Variants in ADGRL2 observed in about 807,000 individuals in gnomAD.
The protein encoded by ADGRL2 is calcium-independent alpha-latrotoxin receptor 2.
In ADGRL2, 44 loss-of-function variants were observed where a neutral mutation model predicts 157.4. The observed-to-expected ratio is 0.28, with a 90% CI of 0.22 to 0.36. The LOEUF (loss-of-function observed/expected upper bound fraction) is 0.36, where lower values mean the gene tolerates loss of function less well. Ranked by LOEUF, ADGRL2 falls within the 10% of genes least tolerant of loss-of-function variation. The pLI, the probability that ADGRL2 is intolerant of heterozygous loss-of-function variation, is 1.00. For synonymous variants in ADGRL2, 585 were observed against 624.7 expected (o/e 0.94, Z 0.95); for missense variants, 1,510 against 1,768.9 (o/e 0.85, Z 2.63).
At chr1:81,411,405 T>C (rs1256026587) in intron 1 of ADGRL2, among the ~76,000 whole-genome samples, 2 of 152,200 alleles carry the variant, frequency 1.3e-5, no homozygotes, top group African/African-American at 4.8e-5. Flanking sequence ...CATCATCCCA[T>C]TTAATCCTTC....
intron 2 of ADGRL2, among the ~76,000 whole-genome samples, chr1:81,499,726 C>G (rs988341812): frequency 1.3e-5 from 2 of 152,162 alleles, no homozygotes; most frequent in Non-Finnish European, 2.9e-5. Context: ...AAGCTTACCA[C>G]TGCTATAAAT....
At chr1:81,622,954 T>G (rs2148717665) in intron 3 of ADGRL2, among the ~76,000 whole-genome samples, 2 of 152,308 alleles carry the variant, frequency 1.3e-5, no homozygotes, top group East Asian at 3.9e-4. Context: ...GTCCAACATA[T>G]TGGGCATTTG....
In ADGRL2 at chr1:81,986,547, G is replaced by A. The variant is rs554927158; in HGVS notation, c.3509-354G>A. Among the ~76,000 whole-genome samples, 61 of 152,104 alleles carry A rather than the reference G, an allele frequency of 4.0e-4. No individual in the cohort carries two copies. The South Asian group carries it at 0.011, about 27-fold the overall frequency. On this transcript the variant is annotated intron_variant, in intron 21 of 23. Transcript: ENST00000686636. The stretch of plus-strand genomic sequence containing the variant: ...CCCTCTTCTGGGCCTCAGTGGTTAC[G>A]TTTTTAATATTAAGCAGTAACATCT...
chr1:81,338,033 T>G (rs929495572), intron 1 of ADGRL2, among the ~76,000 whole-genome samples: 3 of 152,192 alleles, frequency 2.0e-5, no homozygotes, highest in Non-Finnish European at 4.4e-5. Context: ...TTTTAGAAAT[T>G]GTCTAAGCTA....
intron 2 of ADGRL2, among the ~76,000 whole-genome samples, chr1:81,489,028 A>G (rs1008647458): frequency 6.6e-6 from 1 of 152,158 alleles, no homozygotes; most frequent in Non-Finnish European, 1.5e-5. Flanking sequence ...ACCTGAGGTC[A>G]GCAGTTTGAG....
intron 1 of ADGRL2, among the ~76,000 whole-genome samples, chr1:81,829,675 G>A (rs535011538): frequency 1.3e-5 from 2 of 152,258 alleles, no homozygotes; most frequent in East Asian, 3.9e-4. Flanking sequence ...TAGAATAATT[G>A]CCGAGACATA....
intron 2 of ADGRL2, among the ~76,000 whole-genome samples, chr1:81,458,655 G>T (rs1469113867): frequency 6.6e-6 from 1 of 152,228 alleles, no homozygotes. Context: ...AACAGGGCAT[G>T]CCACAAAGTG....
chr1:81,793,062 C>A (rs938317677), intron 2 of ADGRL2, among the ~76,000 whole-genome samples: 3 of 151,964 alleles, frequency 2.0e-5, no homozygotes, highest in Admixed American at 6.6e-5. Context: ...TATAACAAGA[C>A]CTTACGACCC....
intron 3 of ADGRL2, among the ~76,000 whole-genome samples, chr1:81,921,269 G>C (rs1157726730): frequency 6.6e-6 from 1 of 152,082 alleles, no homozygotes; most frequent in African/African-American, 2.4e-5. Flanking sequence ...ACTACTTTAA[G>C]TATTATAATA....
At chr1:81,754,527 TTCTC>T (rs1467676143) in intron 1 of ADGRL2, among the ~76,000 whole-genome samples, 1 of 134,056 alleles carries the variant, frequency 7.5e-6, no homozygotes, top group Admixed American at 7.6e-5. Context: ...CCCTCCCTCT[TTCTC>T]TTTCTTTCTT....
At chr1:81,578,115 A>G (rs1557477368) in intron 2 of ADGRL2, among the ~76,000 whole-genome samples, 1 of 152,192 alleles carries the variant, frequency 6.6e-6, no homozygotes, top group Non-Finnish European at 1.5e-5. Flanking sequence ...TGACTTAGAA[A>G]ACAACAAGTT....
chr1:81,877,873 C>G (rs1259768272), intron 2 of ADGRL2, among the ~76,000 whole-genome samples: 5 of 151,948 alleles, frequency 3.3e-5, no homozygotes, highest in Admixed American at 6.6e-5. Flanking sequence ...AAAATGTTTA[C>G]CAGGTGTTAA....
At chr1:81,763,716 C>G (rs2085988658) in intron 2 of ADGRL2, among the ~76,000 whole-genome samples, 1 of 150,558 alleles carries the variant, frequency 6.6e-6, no homozygotes, top group Non-Finnish European at 1.5e-5. Context: ...AACCCTTTCT[C>G]TACTAAAAAT....
At chr1:81,401,710 G>A (rs143922504) in intron 1 of ADGRL2, among the ~76,000 whole-genome samples, 3 of 152,260 alleles carry the variant, frequency 2.0e-5, no homozygotes, top group African/African-American at 4.8e-5. Flanking sequence ...CTCAGGAAAT[G>A]TCTTAGTTGT....
At chr1:81,340,635 C>A (rs1435427566) in intron 1 of ADGRL2, among the ~76,000 whole-genome samples, 1 of 152,050 alleles carries the variant, frequency 6.6e-6, no homozygotes, top group East Asian at 1.9e-4. Context: ...AGTTTGGCAG[C>A]ACTTCTATGA....
chr1:81,885,442 A>G (rs878961466), intron 2 of ADGRL2, among the ~76,000 whole-genome samples: 1 of 152,216 alleles, frequency 6.6e-6, no homozygotes, highest in African/African-American at 2.4e-5. Context: ...AGGCCTGCCA[A>G]ATTGGCACCT....
intron 1 of ADGRL2, among the ~76,000 whole-genome samples, chr1:81,701,934 A>G (rs1412063556): frequency 6.6e-6 from 1 of 152,204 alleles, no homozygotes; most frequent in Non-Finnish European, 1.5e-5. Context: ...GAAAGCCCAC[A>G]TTACAGAAAC....
At chr1:81,977,001 C>T (rs1295154343) in intron 17 of ADGRL2, among the ~76,000 whole-genome samples, 2 of 151,710 alleles carry the variant, frequency 1.3e-5, no homozygotes, top group Non-Finnish European at 2.9e-5. Flanking sequence ...CTTAGTATAT[C>T]TTTGTTAGGA....
chr1:81,888,911 TG>T (rs1238132225), intron 2 of ADGRL2, among the ~76,000 whole-genome samples: 1 of 152,204 alleles, frequency 6.6e-6, no homozygotes. Context: ...TATGGTGATC[TG>T]TAATCAGTGA....
Sources: allele counts gnomAD v4.1 joint callset (sites outside exome capture counted in the v4.1 genomes callset), GRCh38; gene constraint gnomAD v4.1.1; transcripts MANE v1.5; gene names NCBI Gene and HGNC (gene_info 2026-07-23, HGNC 2026-07-21).